Variants in CNTN4 observed in about 807,000 individuals in gnomAD.
CNTN4 encodes the protein contactin 4.
A neutral mutation model predicts 122.5 loss-of-function variants in CNTN4; 77 were observed. The ratio of observed to expected loss-of-function variants is 0.63; its 90% CI spans 0.52 to 0.76. CNTN4 has a LOEUF of 0.76. Ranked by LOEUF, CNTN4 falls within the 30% of genes least tolerant of loss-of-function variation. The pLI is 0.00. For synonymous variants in CNTN4, 512 were observed against 447.0 expected (o/e 1.15, Z -1.83); for missense variants, 1,256 against 1,259.1 (o/e 1.00, Z 0.04).
intron 2 of CNTN4, among the ~76,000 whole-genome samples, chr3:2,141,996 A>G (rs2729013): frequency 0.99 from 150,614 of 152,322 alleles, 74,475 homozygotes; most frequent in East Asian, 1. Flanking sequence ...AGACCTCACT[A>G]CCATCATTAT....
intron 2 of CNTN4, among the ~76,000 whole-genome samples, chr3:2,145,241 C>A (rs1177469673): frequency 6.6e-6 from 1 of 152,084 alleles, no homozygotes; most frequent in Non-Finnish European, 1.5e-5. Context: ...GCATTTGGTT[C>A]CCCCCCAGAA....
rs1176130099 is a variant in CNTN4 at position 2,385,922 on chromosome 3, A to C, written c.-89+46689A>C. Among the ~76,000 whole-genome samples, 3 of 152,104 alleles carry C rather than the reference A, an allele frequency of 2.0e-5. No individual in the cohort carries two copies. The highest frequency in any genetic ancestry group is 4.4e-5 in the Non-Finnish European group (3 of 68,040). On this transcript the variant is annotated intron_variant, in intron 3 of 24. Coordinates refer to ENST00000418658, the MANE Select transcript of CNTN4 (RefSeq NM_175607.3). This position sits in a 1 kb window ranked among gnomAD's most constrained non-coding sequence, Gnocchi z 4.0. ...CCATCAATATTTGATAAATGAATGAATACATGCATTCTCACTCAGCAGTCG... is the reference window on the plus strand; with the variant it reads ...CCATCAATATTTGATAAATGAATGACTACATGCATTCTCACTCAGCAGTCG...
chr3:2,901,851 T>C (rs908439901), intron 11 of CNTN4, among the ~76,000 whole-genome samples: 9 of 152,090 alleles, frequency 5.9e-5, no homozygotes, highest in African/African-American at 2.2e-4. Flanking sequence ...ACAGAGGCAA[T>C]TATGACAGAT....
intron 4 of CNTN4, among the ~76,000 whole-genome samples, chr3:2,666,195 T>G (rs2084151187): frequency 1.3e-5 from 2 of 152,224 alleles, no homozygotes; most frequent in African/African-American, 2.4e-5. Flanking sequence ...TCCAAGCCAA[T>G]AAATATGCTT....
intron 8 of CNTN4, among the ~76,000 whole-genome samples, chr3:2,880,929 C>G (rs2093901810): frequency 6.6e-6 from 1 of 152,152 alleles, no homozygotes; most frequent in African/African-American, 2.4e-5. Context: ...GCCGTGGATC[C>G]TCTCTTTAGA....
At chr3:2,422,043 G>C (rs1003692442) in intron 3 of CNTN4, among the ~76,000 whole-genome samples, 1 of 152,134 alleles carries the variant, frequency 6.6e-6, no homozygotes, top group Non-Finnish European at 1.5e-5. Context: ...TTATGGATAA[G>C]TTTATCTTTC....
chr3:2,438,151 G>A (rs1171917164), intron 3 of CNTN4, among the ~76,000 whole-genome samples: 1 of 152,004 alleles, frequency 6.6e-6, no homozygotes, highest in South Asian at 2.1e-4. Flanking sequence ...GTTCCCTTTC[G>A]CCCTTTATTT....
chr3:2,491,090 A>G (rs1307848046), intron 3 of CNTN4, among the ~76,000 whole-genome samples: 1 of 152,194 alleles, frequency 6.6e-6, no homozygotes, highest in Non-Finnish European at 1.5e-5. Flanking sequence ...CAGAGCCTAA[A>G]TCAATCTGGA....
intron 4 of CNTN4, among the ~76,000 whole-genome samples, chr3:2,692,019 G>C (rs773730396): frequency 2.0e-5 from 3 of 152,114 alleles, no homozygotes; most frequent in Non-Finnish European, 2.9e-5. Flanking sequence ...AACACCCTGC[G>C]TCCTTGTTAT....
rs1167700413 is a variant in CNTN4, at chr3:2,139,367, A to G, written c.-145+38728A>G. Among the ~76,000 whole-genome samples the G allele has an allele frequency of 2.6e-5, 4 of 152,146 alleles. 1 individual carries two copies. The highest frequency in any genetic ancestry group is 7.2e-5 in the African/African-American group (3 of 41,450). Reference sequence around the variant, plus strand: ...AATATTTTTTTCTTAAATAACCACTATTGCTTACTAATGGGATATATCCTC... The same window carrying G: ...AATATTTTTTTCTTAAATAACCACTGTTGCTTACTAATGGGATATATCCTC... On this transcript the variant is annotated intron_variant, in intron 2 of 24. Coordinates refer to ENST00000418658, the MANE Select transcript of CNTN4 (RefSeq NM_175607.3).
chr3:2,773,653 G>A (rs1266602316), intron 6 of CNTN4, among the ~76,000 whole-genome samples: 4 of 151,976 alleles, frequency 2.6e-5, no homozygotes, highest in African/African-American at 9.7e-5. Context: ...CTTGTCTATG[G>A]ATGGCAACTA....
Position 2,542,653 on chromosome 3 carries a change from C to A in CNTN4, c.-88-28763C>A, listed in dbSNP as rs115556582. ...TATTTCCAGATTCGTTTCAGGGTGG[C>A]AAGATCAACTCACAGCATGAGGCTT... On this transcript the variant is annotated intron_variant, in intron 3 of 24. Coordinates refer to ENST00000418658, the MANE Select transcript of CNTN4 (RefSeq NM_175607.3). Among the ~76,000 whole-genome samples, 522 of 152,218 alleles carry A rather than the reference C, an allele frequency of 3.4e-3. 5 individuals carry two copies. The highest frequency in any genetic ancestry group is 0.012 in the African/African-American group (494 of 41,542).
chr3:2,353,922 C>G (rs2044755932), intron 3 of CNTN4, among the ~76,000 whole-genome samples: 1 of 148,430 alleles, frequency 6.7e-6, no homozygotes, highest in Non-Finnish European at 1.5e-5. Flanking sequence ...ACAAAACAAA[C>G]AAACAAAAAA....
intron 2 of CNTN4, among the ~76,000 whole-genome samples, chr3:2,317,375 G>T (rs759189102): frequency 3.7e-4 from 56 of 152,294 alleles, no homozygotes; most frequent in Non-Finnish European, 7.2e-4. Context: ...GCGGGCAGAG[G>T]ATTCATCAAA....
intron 3 of CNTN4, among the ~76,000 whole-genome samples, chr3:2,450,974 G>C (rs751553968): frequency 6.6e-6 from 1 of 152,166 alleles, no homozygotes; most frequent in African/African-American, 2.4e-5. Flanking sequence ...CCTTTCCCTA[G>C]GGAACAAGTG....
chr3:2,324,050 T>C (rs2043362770), intron 2 of CNTN4, among the ~76,000 whole-genome samples: 1 of 152,188 alleles, frequency 6.6e-6, no homozygotes, highest in African/African-American at 2.4e-5. Context: ...TTATAGGATA[T>C]TTATCAGCAC....
chr3:2,872,445 T>A (rs2093797072), intron 8 of CNTN4, among the ~76,000 whole-genome samples: 1 of 152,076 alleles, frequency 6.6e-6, no homozygotes, highest in Non-Finnish European at 1.5e-5. Flanking sequence ...TGGGGACTGG[T>A]TTGGAAGGTT....
intron 4 of CNTN4, among the ~76,000 whole-genome samples, chr3:2,663,030 A>T (rs59903399): frequency 6.6e-6 from 1 of 151,886 alleles, no homozygotes; most frequent in East Asian, 1.9e-4. Context: ...TGAACCCAAG[A>T]GGCAGAAGTT....
At chr3:2,930,272 T>A (rs2151414398) in intron 13 of CNTN4, among the ~76,000 whole-genome samples, 1 of 152,322 alleles carries the variant, frequency 6.6e-6, no homozygotes, top group East Asian at 1.9e-4. Context: ...AAAGTAGCTT[T>A]ATTTATCTCC....
Sources: gnomAD v4.1 joint callset for allele counts (sites outside exome capture counted in the v4.1 genomes callset) on GRCh38, gnomAD v4.1.1 for gene constraint, Gnocchi (gnomAD v3.1) non-coding constraint, MANE v1.5 for transcripts, NCBI Gene and HGNC (gene_info 2026-07-23, HGNC 2026-07-21) for gene names.